Variants in RPRD1A observed in about 807,000 individuals in gnomAD.
RPRD1A encodes regulation of nuclear pre-mRNA domain-containing protein 1A.
RPRD1A carries 9 observed loss-of-function variants against 37.8 expected under a neutral mutation model. The ratio of observed to expected loss-of-function variants is 0.24; its 90% confidence interval spans 0.14 to 0.42. The LOEUF is 0.42. RPRD1A is among the 10% of genes least tolerant of loss of function. The probability of loss-of-function intolerance (pLI) is 1.00; values close to 1 mark genes in which losing one functional copy is unlikely to be tolerated. For missense variants in RPRD1A, 255 were observed against 371.0 expected (o/e 0.69, Z 2.57); for synonymous variants, 138 against 139.7 (o/e 0.99, Z 0.08).
intron 1 of RPRD1A, among the ~76,000 whole-genome samples, chr18:36,060,111 T>G (rs1173858183): frequency 6.6e-6 from 1 of 152,206 alleles, no homozygotes; most frequent in Non-Finnish European, 1.5e-5. Flanking sequence ...AGGATTTATA[T>G]TGCTATATAT....
intron 6 of RPRD1A, among the ~76,000 whole-genome samples, chr18:36,017,584 G>A (rs900963470): frequency 1.3e-5 from 2 of 152,172 alleles, no homozygotes; most frequent in African/African-American, 4.8e-5. Flanking sequence ...AACTGATACA[G>A]TAACAACAAA....
intron 6 of RPRD1A, among the ~76,000 whole-genome samples, chr18:36,003,640 A>C (rs542138044): frequency 1.3e-5 from 2 of 152,298 alleles, no homozygotes; most frequent in East Asian, 3.9e-4. Flanking sequence ...ATTCGTGTGC[A>C]TATGTGCATT....
chr18:36,024,395 A>G (rs1911218447), intron 6 of RPRD1A, among the ~76,000 whole-genome samples: 2 of 148,990 alleles, frequency 1.3e-5, no homozygotes, highest in African/African-American at 5.0e-5. Flanking sequence ...ACCTCAAGTG[A>G]TTCACCCAGC....
chr18:36,030,059 G>A (rs555013876), intron 4 of RPRD1A, among the ~76,000 whole-genome samples: 69 of 151,068 alleles, frequency 4.6e-4, no homozygotes, highest in Non-Finnish European at 8.4e-4. Flanking sequence ...GACCACCTTG[G>A]CCTCCCAAAG....
chr18:36,039,341 A>G (rs1912425271), intron 1 of RPRD1A, among the ~76,000 whole-genome samples: 1 of 152,232 alleles, frequency 6.6e-6, no homozygotes, highest in Admixed American at 6.5e-5. Context: ...TAATACAATT[A>G]CCTAAAAAGT....
intron 1 of RPRD1A, among the ~76,000 whole-genome samples, chr18:36,065,350 T>G (rs1158778603): frequency 6.6e-6 from 1 of 152,246 alleles, no homozygotes; most frequent in Non-Finnish European, 1.5e-5. Context: ...TTCAATTCAG[T>G]CACGTTGTTT....
chr18:36,048,632 T>C (rs1598655460), intron 1 of RPRD1A, among the ~76,000 whole-genome samples: 3 of 132,564 alleles, frequency 2.3e-5, no homozygotes. Flanking sequence ...CTCAACTTGA[T>C]AAAAAGCACC....
At chr18:36,066,280 G>A (rs966074338) in intron 1 of RPRD1A, among the ~76,000 whole-genome samples, 1 of 152,182 alleles carries the variant, frequency 6.6e-6, no homozygotes, top group Admixed American at 6.5e-5. Flanking sequence ...TCACATTTTG[G>A]CTGTTACGTA....
chr18:36,056,809 A>G (rs1913807090), intron 1 of RPRD1A, among the ~76,000 whole-genome samples: 1 of 152,118 alleles, frequency 6.6e-6, no homozygotes, highest in Admixed American at 6.6e-5. Flanking sequence ...GAGAACCAAA[A>G]TGACCAAAAA....
intron 6 of RPRD1A, among the ~76,000 whole-genome samples, chr18:36,021,164 T>C (rs1910967157): frequency 1.3e-5 from 2 of 152,192 alleles, no homozygotes; most frequent in Non-Finnish European, 2.9e-5. Flanking sequence ...TACCAAATTC[T>C]AAATTTAAAT....
At chr18:35,994,510 G>C (rs1456434740) in intron 6 of RPRD1A, among the ~76,000 whole-genome samples, 1 of 152,194 alleles carries the variant, frequency 6.6e-6, no homozygotes, top group East Asian at 1.9e-4. Flanking sequence ...TCTGCTGTGA[G>C]GAATAATGAG....
intron 1 of RPRD1A, among the ~76,000 whole-genome samples, chr18:36,050,711 AT>A (rs143538995): frequency 1.6e-3 from 226 of 143,158 alleles, no homozygotes; most frequent in Admixed American, 1.5e-3. Context: ...TAATTTTTGT[AT>A]TTTTTTTTTT....
chr18:36,062,789 A>C (rs2088942692), intron 1 of RPRD1A, among the ~76,000 whole-genome samples: 1 of 152,146 alleles, frequency 6.6e-6, no homozygotes, highest in Non-Finnish European at 1.5e-5. Flanking sequence ...GTTGGGAGAG[A>C]TGGGGGACTG....
chr18:36,031,178 T>C (rs1233018132), intron 2 of RPRD1A, 81 bp from the exon 3 acceptor site: 1 of 1,401,592 alleles, frequency 7.1e-7, no homozygotes, highest in Non-Finnish European at 9.3e-7. Context: ...ACGGTAACTT[T>C]AAATATAATC....
At chr18:36,009,695 A>G (rs1397308553) in intron 6 of RPRD1A, among the ~76,000 whole-genome samples, 4 of 152,240 alleles carry the variant, frequency 2.6e-5, no homozygotes, top group African/African-American at 9.6e-5. Context: ...CATTATGAAT[A>G]GAACTTACTG....
At chr18:35,997,455 ATATG>A (rs1356220254) in intron 6 of RPRD1A, among the ~76,000 whole-genome samples, 1 of 152,234 alleles carries the variant, frequency 6.6e-6, no homozygotes, top group African/African-American at 2.4e-5. Context: ...GTGTATATAC[ATATG>A]TATCTCTTAA....
chr18:36,007,795 G>A (rs1352197529), intron 6 of RPRD1A, among the ~76,000 whole-genome samples: 5 of 151,912 alleles, frequency 3.3e-5, no homozygotes, highest in South Asian at 2.1e-4. Flanking sequence ...AAAATTAGCC[G>A]GGCGTGGTGG....
chr18:36,028,083 T>G (rs1403333138), intron 4 of RPRD1A: 2 of 152,144 alleles, frequency 1.3e-5, no homozygotes, highest in African/African-American at 2.4e-5. Flanking sequence ...AACAATTAAA[T>G]TTTATTTTTA....
intron 6 of RPRD1A, among the ~76,000 whole-genome samples, chr18:36,015,200 ACACATT>A (rs1910457696): frequency 1.4e-5 from 2 of 141,586 alleles, no homozygotes; most frequent in African/African-American, 5.8e-5. Flanking sequence ...ACACACACAC[ACACATT>A]CACATACTTT....
Sources: gnomAD v4.1 joint callset for allele counts (sites outside exome capture counted in the v4.1 genomes callset) on GRCh38, gnomAD v4.1.1 for gene constraint, MANE v1.5 for transcripts, NCBI Gene and HGNC (gene_info 2026-07-23, HGNC 2026-07-21) for gene names.